Variants in CFAP299 observed in about 807,000 individuals in gnomAD.
CFAP299 encodes the protein cilia- and flagella-associated protein 299.
Under a neutral mutation model 27.0 loss-of-function variants are expected in CFAP299, and 21 were observed. That is an observed-to-expected ratio of 0.78 (90% CI 0.55 to 1.12). The LOEUF is 1.12. Ranked by LOEUF, CFAP299 falls within the 50% of genes most tolerant of loss-of-function variation. CFAP299 has a pLI of 0.00. For synonymous variants in CFAP299, 104 were observed against 98.1 expected (o/e 1.06, Z -0.36); for missense variants, 310 against 276.6 (o/e 1.12, Z -0.86).
intron 3 of CFAP299, among the ~76,000 whole-genome samples, chr4:80,758,464 A>G (rs916069634): frequency 5.3e-5 from 8 of 152,124 alleles, no homozygotes; most frequent in Non-Finnish European, 8.8e-5. Flanking sequence ...AGGGAGGGCC[A>G]TAGGTAGTTT....
At chr4:80,371,385 T>C (rs927887009) in intron 2 of CFAP299, among the ~76,000 whole-genome samples, 8 of 152,226 alleles carry the variant, frequency 5.3e-5, no homozygotes, top group African/African-American at 1.9e-4. Context: ...GCTCCTTTTT[T>C]GTTATACAAA....
intron 2 of CFAP299, among the ~76,000 whole-genome samples, chr4:80,539,606 C>T (rs540062110): frequency 1.3e-5 from 2 of 152,078 alleles, no homozygotes; most frequent in South Asian, 4.2e-4. Context: ...ATACAGGAAG[C>T]AGGTAGTGGG....
chr4:80,781,465 C>T (rs967351506), intron 3 of CFAP299, among the ~76,000 whole-genome samples: 1 of 151,600 alleles, frequency 6.6e-6, no homozygotes, highest in African/African-American at 2.4e-5. Context: ...GTGACTTTAT[C>T]CTAAAGGAAT....
At chr4:80,667,678 A>G (rs1411509689) in intron 3 of CFAP299, among the ~76,000 whole-genome samples, 1 of 152,130 alleles carries the variant, frequency 6.6e-6, no homozygotes, top group Non-Finnish European at 1.5e-5. Flanking sequence ...TAGGCTGAAT[A>G]ATATTCTATT....
intron 3 of CFAP299, among the ~76,000 whole-genome samples, chr4:80,809,136 T>C (rs1463917917): frequency 6.6e-6 from 1 of 152,158 alleles, no homozygotes; most frequent in East Asian, 1.9e-4. Context: ...TAGCTGGGGC[T>C]ATCTAATTTA....
chr4:80,882,396 T>A (rs1321115846), intron 4 of CFAP299, among the ~76,000 whole-genome samples: 1 of 152,016 alleles, frequency 6.6e-6, no homozygotes. Flanking sequence ...CCCAGCACTT[T>A]GGGAGGCCGA....
At chr4:80,582,259 G>A (rs1235797730) in intron 2 of CFAP299, among the ~76,000 whole-genome samples, 2 of 151,486 alleles carry the variant, frequency 1.3e-5, no homozygotes, top group Non-Finnish European at 3.0e-5. Flanking sequence ...TCTGATACTC[G>A]GTCTATATCT....
intron 2 of CFAP299, among the ~76,000 whole-genome samples, chr4:80,452,138 C>A (rs1237844744): frequency 6.6e-6 from 1 of 152,048 alleles, no homozygotes. Flanking sequence ...GGCAGGGAAG[C>A]CTGACCTCTA....
chr4:80,558,866 CTA>C (rs1359808129), intron 2 of CFAP299, among the ~76,000 whole-genome samples: 1 of 151,986 alleles, frequency 6.6e-6, no homozygotes, highest in Non-Finnish European at 1.5e-5. Context: ...GAGGTTTACT[CTA>C]AAAGTACAAG....
chr4:80,674,959 T>C (rs943334737), intron 3 of CFAP299, among the ~76,000 whole-genome samples: 1 of 152,168 alleles, frequency 6.6e-6, no homozygotes, highest in Non-Finnish European at 1.5e-5. Context: ...CCTTGCAATG[T>C]GTTTGAACAT....
chr4:80,371,133 C>G (rs1481201810), intron 2 of CFAP299, among the ~76,000 whole-genome samples: 2 of 152,218 alleles, frequency 1.3e-5, no homozygotes, highest in African/African-American at 4.8e-5. Context: ...CTTGCATCCT[C>G]TGGAACAATG....
In CFAP299 at chr4:80,720,096, T is replaced by C. The variant is rs1381721669; in HGVS notation, c.333+136913T>C. 2.6e-5 allele frequency among the ~76,000 whole-genome samples: 4 copies of C among 152,092 alleles called. No homozygotes were observed. In the East Asian group the frequency reaches 7.7e-4, roughly 29 times the overall value. ...AAGTCTCCTTGAGTTGAGGTGGAACTTTCAGTATCAGAAAGTCAAGGCATC... is the reference window on the plus strand; with the variant it reads ...AAGTCTCCTTGAGTTGAGGTGGAACCTTCAGTATCAGAAAGTCAAGGCATC... On this transcript the variant is annotated intron_variant, in intron 3 of 5. Transcript: ENST00000358105.
intron 3 of CFAP299, among the ~76,000 whole-genome samples, chr4:80,740,801 A>G (rs1301697579): frequency 1.3e-5 from 2 of 152,110 alleles, no homozygotes; most frequent in Admixed American, 1.3e-4. Flanking sequence ...TCCTGGTATA[A>G]GCCTCTCCTG....
At chr4:80,335,525 C>T (rs1722087401), upstream of CFAP299, among the ~76,000 whole-genome samples, 1 of 152,170 alleles carries the variant, frequency 6.6e-6, no homozygotes, top group African/African-American at 2.4e-5. Flanking sequence ...TCTCTGGTTG[C>T]TCAACAGTTC....
At chr4:80,614,736 A>C (rs999714481) in intron 3 of CFAP299, among the ~76,000 whole-genome samples, 1 of 152,226 alleles carries the variant, frequency 6.6e-6, no homozygotes, top group Non-Finnish European at 1.5e-5. Context: ...ATGTGGTTAC[A>C]AGTCTTGAAT....
chr4:80,360,395 C>G (rs569907572), intron 1 of CFAP299, among the ~76,000 whole-genome samples: 1 of 152,278 alleles, frequency 6.6e-6, no homozygotes, highest in South Asian at 2.1e-4. Context: ...GGTGCCTTCT[C>G]TCTGCTCTGC....
Position 80,598,469 on chromosome 4 carries a change from A to T in CFAP299, c.333+15286A>T, listed in dbSNP as rs866050505. 3.9e-5 allele frequency among the ~76,000 whole-genome samples: 6 copies of T among 152,226 alleles called. 1 individual carries two copies. In the South Asian group the frequency reaches 1.2e-3, roughly 32 times the overall value. On this transcript the variant is annotated intron_variant, in intron 3 of 5. Transcript: ENST00000358105. ...TGTTATTAAGCCATGCCCTTCATTA[A>T]CTACTACTAGAATTGATTAGTTTGA...
chr4:80,959,436 T>C (rs1738229709), intron 5 of CFAP299, among the ~76,000 whole-genome samples: 1 of 152,040 alleles, frequency 6.6e-6, no homozygotes, highest in South Asian at 2.1e-4. Context: ...TAGAAAAATC[T>C]GATGGAAATA....
At chr4:80,889,011 C>CAAAAAA (rs35328435) in intron 4 of CFAP299, among the ~76,000 whole-genome samples, 541 of 51,292 alleles carry the variant, frequency 0.011, no homozygotes, top group East Asian at 0.011. Flanking sequence ...AGTGCCTAAG[C>CAAAAAA]AAAAAAAAAA....
Sources: gnomAD v4.1 joint callset for allele counts (sites outside exome capture counted in the v4.1 genomes callset) on GRCh38, gnomAD v4.1.1 for gene constraint, MANE v1.5 for transcripts, NCBI Gene and HGNC (gene_info 2026-07-23, HGNC 2026-07-21) for gene names.